Variants in KCNMA1 observed in about 807,000 individuals in gnomAD.
The protein encoded by KCNMA1 is potassium calcium-activated channel subfamily M alpha 1.
In KCNMA1, 29 loss-of-function variants were observed where a neutral mutation model predicts 140.0. The observed-to-expected ratio is 0.21, with a 90% CI of 0.15 to 0.28. KCNMA1 has a LOEUF of 0.28. Among genes scored for constraint, KCNMA1 ranks in the 10% least tolerant of loss-of-function variants. The probability of loss-of-function intolerance (pLI) is 1.00; values close to 1 mark genes in which losing one functional copy is unlikely to be tolerated. For missense variants in KCNMA1, 880 were observed against 1,602.2 expected, an observed-to-expected ratio of 0.55 and a Z score of 7.70; for synonymous variants, 612 against 611.9, an observed-to-expected ratio of 1.00 and a Z score of 0.00.
intron 3 of KCNMA1, among the ~76,000 whole-genome samples, chr10:77,244,881 G>C (rs1213947885): frequency 6.6e-6 from 1 of 152,128 alleles, no homozygotes; most frequent in African/African-American, 2.4e-5. Context: ...TCCCTGAGTG[G>C]GCTCGGCTCC....
At chr10:77,613,276 G>A (rs1270660254) in intron 1 of KCNMA1, among the ~76,000 whole-genome samples, 2 of 152,168 alleles carry the variant, frequency 1.3e-5, no homozygotes, top group African/African-American at 2.4e-5. Flanking sequence ...TTCCCCAGTT[G>A]CAGCACAGAG....
chr10:77,020,927 G>A (rs1308411738), intron 16 of KCNMA1: 1 of 151,904 alleles, frequency 6.6e-6, no homozygotes, highest in Non-Finnish European at 1.5e-5. Context: ...TACAAGAGGT[G>A]GATAATGGTA....
intron 3 of KCNMA1, among the ~76,000 whole-genome samples, chr10:77,191,385 A>C (rs1258766778): frequency 6.6e-6 from 1 of 152,172 alleles, no homozygotes; most frequent in Non-Finnish European, 1.5e-5. Context: ...TGAACTTGGG[A>C]CAACACCCCA....
At chr10:76,947,663 A>T (rs2152923155) in intron 22 of KCNMA1, among the ~76,000 whole-genome samples, 1 of 152,314 alleles carries the variant, frequency 6.6e-6, no homozygotes, top group East Asian at 1.9e-4. Flanking sequence ...TCTATAGGTG[A>T]CTATTTTCAA....
intron 9 of KCNMA1, among the ~76,000 whole-genome samples, chr10:77,099,109 G>A (rs932626785): frequency 1.3e-5 from 2 of 152,006 alleles, no homozygotes; most frequent in African/African-American, 4.8e-5. Context: ...GAAGACTAAG[G>A]CAGGCAAAGG....
intron 25 of KCNMA1, among the ~76,000 whole-genome samples, chr10:76,897,231 GCAAA>G (rs1296559486): frequency 6.7e-6 from 1 of 150,284 alleles, no homozygotes; most frequent in East Asian, 1.9e-4. Flanking sequence ...TGTAAAACAA[GCAAA>G]CAAACAAATA....
chr10:76,898,068 G>C (rs2043368566), intron 25 of KCNMA1, among the ~76,000 whole-genome samples: 1 of 151,752 alleles, frequency 6.6e-6, no homozygotes, highest in African/African-American at 2.4e-5. Context: ...ATAGAAGCAT[G>C]TAAAAAACAT....
At chr10:77,334,781 A>G (rs1246637824) in intron 2 of KCNMA1, among the ~76,000 whole-genome samples, 1 of 152,230 alleles carries the variant, frequency 6.6e-6, no homozygotes, top group African/African-American at 2.4e-5. Context: ...AAATTTGTCT[A>G]TTACTCATAT....
chr10:77,318,474 G>A (rs929156450), intron 2 of KCNMA1, among the ~76,000 whole-genome samples: 4 of 152,108 alleles, frequency 2.6e-5, no homozygotes, highest in African/African-American at 7.2e-5. Context: ...CACAACCAGA[G>A]GGCCCCATGG....
intron 1 of KCNMA1, among the ~76,000 whole-genome samples, chr10:77,514,498 AGGCCC>A (rs2049607772): frequency 6.6e-6 from 1 of 152,176 alleles, no homozygotes; most frequent in Non-Finnish European, 1.5e-5. Context: ...CTTAATAAAA[AGGCCC>A]AGGAGGCAGA....
At chr10:77,456,623 G>C (rs2097766730) in intron 1 of KCNMA1, among the ~76,000 whole-genome samples, 1 of 152,226 alleles carries the variant, frequency 6.6e-6, no homozygotes, top group African/African-American at 2.4e-5. Flanking sequence ...GCATGGAGGA[G>C]ACTGGGCCCT....
intron 2 of KCNMA1, among the ~76,000 whole-genome samples, chr10:77,352,621 GGTGTGTGTGTGT>G (rs10555644): frequency 2.1e-5 from 3 of 145,214 alleles, no homozygotes; most frequent in South Asian, 2.2e-4. Flanking sequence ...TGCAGTACAG[GGTGTGTGTGTGT>G]GTGTGTGTGT....
intron 12 of KCNMA1, among the ~76,000 whole-genome samples, chr10:77,080,348 C>T (rs760858766): frequency 6.6e-6 from 1 of 152,218 alleles, no homozygotes; most frequent in African/African-American, 2.4e-5. Context: ...TGTAATACTA[C>T]TGCTTCAATA....
chr10:77,471,587 G>T (rs925472372), intron 1 of KCNMA1, among the ~76,000 whole-genome samples: 6 of 135,112 alleles, frequency 4.4e-5, no homozygotes, highest in African/African-American at 1.7e-4. Context: ...AATACCACAG[G>T]TCACACACAC....
chr10:77,180,175 C>T (rs1467252327), intron 5 of KCNMA1, among the ~76,000 whole-genome samples: 2 of 152,156 alleles, frequency 1.3e-5, no homozygotes, highest in African/African-American at 4.8e-5. Context: ...CAAACCTCAG[C>T]CAGAAAAGGC....
chr10:77,204,991 G>A (rs982301641), intron 3 of KCNMA1, among the ~76,000 whole-genome samples: 5 of 151,996 alleles, frequency 3.3e-5, no homozygotes, highest in South Asian at 2.1e-4. Flanking sequence ...AGCCCATCAC[G>A]CTCCATGATG....
chr10:77,068,261 AG>A (rs1412482572), intron 14 of KCNMA1, among the ~76,000 whole-genome samples: 3 of 152,240 alleles, frequency 2.0e-5, no homozygotes, highest in Non-Finnish European at 2.9e-5. Flanking sequence ...CATGGGAATC[AG>A]TATTTTTTAG....
chr10:77,381,594 G>T (rs969929522), intron 2 of KCNMA1, among the ~76,000 whole-genome samples: 14 of 152,052 alleles, frequency 9.2e-5, no homozygotes, highest in African/African-American at 3.1e-4. Context: ...ATTAACACTA[G>T]AGCCTGTTGG....
chr10:77,499,438 C>T lies in KCNMA1; in HGVS notation c.379-95415G>A, dbSNP rs542559453. Among the ~76,000 whole-genome samples, 69 of 146,278 alleles carry T rather than the reference C, an allele frequency of 4.7e-4. No homozygotes were observed. The South Asian group carries it at 0.013, about 27-fold the overall frequency. ...ATATATATATACACACACACACATACACACACACACACACACACATATATA... is the reference window on the plus strand; with the variant it reads ...ATATATATATACACACACACACATATACACACACACACACACACATATATA... On this transcript the variant is annotated intron_variant, in intron 1 of 27. Transcript: ENST00000286628.
Sources: gnomAD v4.1 joint callset for allele counts (sites outside exome capture counted in the v4.1 genomes callset) on GRCh38, gnomAD v4.1.1 for gene constraint, MANE v1.5 for transcripts, NCBI Gene and HGNC (gene_info 2026-07-23, HGNC 2026-07-21) for gene names.